Variants in PRKAR1A observed in about 807,000 individuals in gnomAD.
PRKAR1A encodes protein kinase cAMP-dependent type I regulatory subunit alpha, also known as cAMP-dependent protein kinase type I-alpha regulatory subunit.
Under a neutral mutation model 52.0 loss-of-function variants are expected in PRKAR1A, and 3 were observed. The ratio of observed to expected loss-of-function variants is 0.06; its 90% CI spans 0.03 to 0.15. PRKAR1A has a LOEUF of 0.15. Ranked by LOEUF, PRKAR1A falls within the 10% of genes least tolerant of loss-of-function variation. The pLI is 1.00. For synonymous variants in PRKAR1A, 188 were observed against 168.4 expected (o/e 1.12, Z -0.90); for missense variants, 240 against 477.4 (o/e 0.50, Z 4.63).
At chr17:68,466,884 C>T in the PRKAR1A span, among the ~76,000 whole-genome samples, 3 of 152,104 alleles carry the variant, frequency 2.0e-5, no homozygotes, top group South Asian at 2.1e-4. Context: ...TCCATCACTC[C>T]GAAAGAAAAC....
intron 10 of PRKAR1A, 31 bp downstream of exon 10, chr17:68,530,032 T>A: frequency 6.2e-7 from 1 of 1,601,460 alleles, no homozygotes; most frequent in Non-Finnish European, 8.6e-7. Context: ...AATAAATACA[T>A]GGTTTCTTTA....
chr17:68,519,480 C>T (rs1423883566), intron 2 of PRKAR1A, among the ~76,000 whole-genome samples: 4 of 152,180 alleles, frequency 2.6e-5, no homozygotes, highest in African/African-American at 9.7e-5. Flanking sequence ...AGGTAACCAC[C>T]CCTGTGATTA....
At chr17:68,514,878 CCTCA>C (rs1384727380) in intron 1 of PRKAR1A, 6 of 156,690 alleles carry the variant, frequency 3.8e-5, no homozygotes, top group Admixed American at 3.8e-4. Flanking sequence ...CTAATCAGAT[CCTCA>C]CTCCAGTGGT....
In PRKAR1A at chr17:68,532,432, G is replaced by C; in HGVS notation, c.*1983G>C. On this transcript the variant is annotated 3_prime_UTR_variant, in exon 11 of 11. Transcript: ENST00000589228. ...TTTGGCTTGCTGTTTACTCCCTTCT[G>C]TAGTTTTTAATTAAAAACTTTAAAG... The C allele has an allele frequency of 5.7e-6, 6 of 1,060,078 alleles. No homozygotes were observed. The highest frequency in any genetic ancestry group is 6.9e-6 in the Non-Finnish European group (6 of 874,496). 65.7% of individuals were successfully genotyped at this position (1,060,078 alleles called of 1,614,324 possible). A position where few individuals can be genotyped will look rare whatever the true frequency, so the allele number is the denominator to read the frequency against.
At chr17:68,529,139 T>A in intron 9 of PRKAR1A, 148 bp downstream of exon 9, 1 of 980,028 alleles carries the variant, frequency 1.0e-6, no homozygotes, top group Non-Finnish European at 1.5e-6. Context: ...CATTTTATTT[T>A]AAAATTATCT....
the PRKAR1A span, among the ~76,000 whole-genome samples, chr17:68,491,146 C>A: frequency 6.7e-6 from 1 of 149,780 alleles, no homozygotes; most frequent in Non-Finnish European, 1.5e-5. Flanking sequence ...GGCTGGAGTG[C>A]AATGGCATGA....
chr17:68,429,209 A>C, the PRKAR1A span, among the ~76,000 whole-genome samples: 1 of 152,316 alleles, frequency 6.6e-6, no homozygotes, highest in East Asian at 1.9e-4. Context: ...GCTAGTGAAC[A>C]CATTAGCTCC....
the PRKAR1A span, among the ~76,000 whole-genome samples, chr17:68,437,950 A>T: frequency 5.6e-5 from 2 of 35,500 alleles, no homozygotes. Flanking sequence ...ATCTCTCTTA[A>T]AAAAAAAAAA....
At chr17:68,537,666 T>TTCTCGCATCACATCGCTGAG, downstream of PRKAR1A, 1 of 1,613,886 alleles carries the variant, frequency 6.2e-7, no homozygotes, top group African/African-American at 1.3e-5. This position sits in a 1 kb window ranked among gnomAD's most constrained non-coding sequence, Gnocchi z 4.2. Context: ...CCAGCAGTGA[T>TTCTCGCATCACATCGCTGAG]TCTCGCATCA....
upstream of PRKAR1A, among the ~76,000 whole-genome samples, chr17:68,511,448 T>A (rs62087486): frequency 3.3e-5 from 5 of 152,238 alleles, no homozygotes; most frequent in African/African-American, 1.2e-4. Context: ...TCCCCATTAG[T>A]GCAGCTTGTC....
the PRKAR1A span, among the ~76,000 whole-genome samples, chr17:68,466,844 T>C: frequency 1.3e-5 from 2 of 152,176 alleles, no homozygotes; most frequent in South Asian, 4.1e-4. Flanking sequence ...AGGTTGTGCA[T>C]CCACCTCCGT....
At chr17:68,422,773 C>T in the PRKAR1A span, 1 of 148,594 alleles carries the variant, frequency 6.7e-6, no homozygotes, top group Admixed American at 6.8e-5. Flanking sequence ...TCAGTTTATA[C>T]CCTTGGGCCT....
Position 68,528,856 on chromosome 17 carries a change from TTCTTG to T in PRKAR1A, c.770-9_770-5del. The T allele has an allele frequency of 6.2e-7, 1 of 1,613,562 alleles. No homozygotes were observed. The highest frequency in any genetic ancestry group is 8.5e-7 in the Non-Finnish European group (1 of 1,179,476). On this transcript the variant is annotated splice_polypyrimidine_tract_variant and intron_variant, in intron 8 of 10. Coordinates refer to ENST00000589228, the MANE Select transcript of PRKAR1A (RefSeq NM_002734.5). ...AAATAATACAGAGCAGTTATTTTGA[TTCTTG>T]TCTTTCAGAGTCTCTGGACAAGTGG...
the PRKAR1A span, among the ~76,000 whole-genome samples, chr17:68,491,219 G>A: frequency 2.0e-5 from 3 of 151,720 alleles, no homozygotes; most frequent in Non-Finnish European, 4.4e-5. Flanking sequence ...AGCTTCCCAA[G>A]TAGCTTGGAT....
chr17:68,456,240 G>A, the PRKAR1A span, among the ~76,000 whole-genome samples: 3 of 152,154 alleles, frequency 2.0e-5, no homozygotes, highest in Non-Finnish European at 4.4e-5. Context: ...TCAAACAAAG[G>A]CATATTGTTC....
At chr17:68,518,617 C>T (rs1030827766) in intron 2 of PRKAR1A, among the ~76,000 whole-genome samples, 9 of 152,230 alleles carry the variant, frequency 5.9e-5, no homozygotes, top group African/African-American at 2.2e-4. Context: ...GCCTAGGAAA[C>T]CATTTTCCCC....
the PRKAR1A span, among the ~76,000 whole-genome samples, chr17:68,491,696 A>C: frequency 0.22 from 34,029 of 152,006 alleles, 4,540 homozygotes; most frequent in East Asian, 0.51. Context: ...TCTTGACATA[A>C]AGTAGCAACC....
the PRKAR1A span, among the ~76,000 whole-genome samples, chr17:68,464,674 C>T: frequency 3.2e-4 from 45 of 140,914 alleles, no homozygotes; most frequent in Admixed American, 5.0e-4. Context: ...GGCGACAAAG[C>T]GAGACTCTGT....
chr17:68,429,106 G>T, the PRKAR1A span, among the ~76,000 whole-genome samples: 3 of 152,168 alleles, frequency 2.0e-5, no homozygotes, highest in Admixed American at 1.3e-4. Flanking sequence ...TTCTGGCCTT[G>T]GGATCTACTT....
Sources: allele counts gnomAD v4.1 joint callset (sites outside exome capture counted in the v4.1 genomes callset), GRCh38; gene constraint gnomAD v4.1.1; non-coding constraint Gnocchi (gnomAD v3.1); transcripts MANE v1.5; gene names NCBI Gene and HGNC (gene_info 2026-07-23, HGNC 2026-07-21).